USP10: variants seen among roughly 807,000 people sequenced by gnomAD.
The protein encoded by USP10 is ubiquitin carboxyl-terminal hydrolase 10.
In USP10, 22 loss-of-function variants were observed where a neutral mutation model predicts 84.5. The ratio of observed to expected loss-of-function variants is 0.26; its 90% CI spans 0.19 to 0.37. The LOEUF (loss-of-function observed/expected upper bound fraction) is 0.37, where lower values mean the gene tolerates loss of function less well. Among genes scored for constraint, USP10 ranks in the 10% least tolerant of loss-of-function variants. The pLI is 1.00. For missense variants in USP10, 1,019 were observed against 998.9 expected (o/e 1.02, Z -0.27); for synonymous variants, 454 against 387.6 (o/e 1.17, Z -2.01).
chr16:84,749,632 T>G (rs1480941122), intron 4 of USP10, among the ~76,000 whole-genome samples: 1 of 152,206 alleles, frequency 6.6e-6, no homozygotes, highest in African/African-American at 2.4e-5. Flanking sequence ...GTATTTTTTA[T>G]CTCAAGTTTG....
rs750997559 is a variant in USP10, at chr16:84,745,480, C to T, written c.999C>T (p.Thr333=). ...ACGGCACGGGCTCTGCATCAGGCAC[C>T]CTTCCTGTCAGCCAGCCCAAGTCCT... The part of the protein sequence containing the change: ...PADGTGSASG[T]LPVSQPKSWA... Residue 333 remains threonine, a synonymous_variant, in exon 4 of 14, where the codon ACC becomes ACT. Transcript: ENST00000219473. 14 of 1,613,596 alleles carry T rather than the reference C, an allele frequency of 8.7e-6. No individual in the cohort carries two copies. The highest frequency in any genetic ancestry group is 1.2e-5 in the Non-Finnish European group (14 of 1,179,636).
At chr16:84,777,185 G>T (rs1481733177) in intron 13 of USP10, among the ~76,000 whole-genome samples, 1 of 152,172 alleles carries the variant, frequency 6.6e-6, no homozygotes, top group Non-Finnish European at 1.5e-5. Context: ...GCTCCTGTCA[G>T]GGGGGCTTGC....
chr16:84,721,956 A>G (rs148954467), intron 1 of USP10, among the ~76,000 whole-genome samples: 1 of 152,306 alleles, frequency 6.6e-6, no homozygotes, highest in East Asian at 1.9e-4. Flanking sequence ...TGGCCTCCCA[A>G]AGTGCTGGAA....
chr16:84,725,200 C>G (rs561962232), intron 1 of USP10, among the ~76,000 whole-genome samples: 61 of 152,306 alleles, frequency 4.0e-4, no homozygotes, highest in Non-Finnish European at 6.0e-4. Flanking sequence ...TCCCGCTCCC[C>G]CATTCTCCTC....
At position 84,779,802 on chromosome 16, in the gene USP10, GCT is replaced by G. The variant is rs1325625522; in HGVS notation, c.*723_*724del. 1.2e-4 allele frequency: 19 copies of G among 152,594 alleles called. No homozygotes were observed. Among genetic ancestry groups the G allele is most frequent in the African/African-American group, 4.3e-4 (18 of 41,428 alleles). 9.5% of individuals were successfully genotyped at this position (152,594 alleles called of 1,614,324 possible). A position where few individuals can be genotyped will look rare whatever the true frequency, so the allele number is the denominator to read the frequency against. On this transcript the variant is annotated 3_prime_UTR_variant, in exon 14 of 14. Coordinates refer to ENST00000219473, the MANE Select transcript of USP10 (RefSeq NM_005153.3). ...ATAATGAAGATCTCTCCTTCAGTCTGCTCTGTTTAATTCTGCTGTCTGCTCTT... is the reference window on the plus strand; with the variant it reads ...ATAATGAAGATCTCTCCTTCAGTCTGCTGTTTAATTCTGCTGTCTGCTCTT...
intron 8 of USP10, among the ~76,000 whole-genome samples, chr16:84,762,678 G>A (rs1234859017): frequency 6.9e-6 from 1 of 143,918 alleles, no homozygotes; most frequent in Non-Finnish European, 1.5e-5. Flanking sequence ...GTGACGGAAT[G>A]AGACTTTGTC....
chr16:84,744,018 C>G (rs1313934953), intron 3 of USP10, among the ~76,000 whole-genome samples: 1 of 151,946 alleles, frequency 6.6e-6, no homozygotes, highest in African/African-American at 2.4e-5. Flanking sequence ...GAAGAGTGCT[C>G]TGAAGTGCGC....
At chr16:84,771,292 C>T (rs1267992617) in intron 11 of USP10, among the ~76,000 whole-genome samples, 1 of 152,116 alleles carries the variant, frequency 6.6e-6, no homozygotes, top group Non-Finnish European at 1.5e-5. Context: ...TCTAATTGGC[C>T]TGGAATCCCA....
At chr16:84,702,610 A>G (rs978002084) in intron 1 of USP10, among the ~76,000 whole-genome samples, 2 of 152,168 alleles carry the variant, frequency 1.3e-5, no homozygotes, top group East Asian at 1.9e-4. Flanking sequence ...GGGAATAACA[A>G]CTGCAAATTG....
chr16:84,745,481 C>A lies in USP10; in HGVS notation c.1000C>A (p.Leu334Ile), dbSNP rs756610797. Residue 334 changes from leucine to isoleucine, a missense_variant, in exon 4 of 14, where the codon CTT becomes ATT. Leu to Ile is a conservative substitution (Grantham distance 5, BLOSUM62 2). Transcript: ENST00000219473. ...ADGTGSASGT[L>I]PVSQPKSWAS... Reference sequence around the variant, plus strand: ...CGGCACGGGCTCTGCATCAGGCACCCTTCCTGTCAGCCAGCCCAAGTCCTG... The same window carrying A: ...CGGCACGGGCTCTGCATCAGGCACCATTCCTGTCAGCCAGCCCAAGTCCTG... The A allele has an allele frequency of 5.6e-6, 9 of 1,613,464 alleles. No individual in the cohort carries two copies. The highest frequency in any genetic ancestry group is 5.9e-6 in the Non-Finnish European group (7 of 1,179,648).
chr16:84,764,379 T>G, intron 10 of USP10, 116 bp downstream of exon 10: 4 of 1,376,194 alleles, frequency 2.9e-6, no homozygotes, highest in Non-Finnish European at 4.1e-6. Flanking sequence ...GGTTTGCATC[T>G]TGCTCCCCTG....
At chr16:84,767,495 A>T (rs1913989427) in intron 10 of USP10, among the ~76,000 whole-genome samples, 1 of 152,154 alleles carries the variant, frequency 6.6e-6, no homozygotes, top group Non-Finnish European at 1.5e-5. Context: ...TTATAGGAGG[A>T]AAATGCCATT....
intron 1 of USP10, among the ~76,000 whole-genome samples, chr16:84,731,240 G>C (rs1909188058): frequency 6.6e-6 from 1 of 151,274 alleles, no homozygotes; most frequent in South Asian, 2.1e-4. Context: ...CGGCCTCCCA[G>C]AGTGCTGGGA....
chr16:84,737,738 G>C (rs970945128), intron 2 of USP10, among the ~76,000 whole-genome samples: 13 of 152,336 alleles, frequency 8.5e-5, no homozygotes, highest in African/African-American at 3.1e-4. Context: ...GAAGCTGGCA[G>C]TGTCGCCTGG....
chr16:84,764,285 C>G (rs1555547882), intron 10 of USP10, 22 bp downstream of exon 10: 14 of 1,613,790 alleles, frequency 8.7e-6, no homozygotes, highest in Admixed American at 1.7e-5. Flanking sequence ...TCTGGAATAA[C>G]TTAATATTTG....
At chr16:84,704,929 GC>G in intron 1 of USP10, 2 of 1,533,480 alleles carry the variant, frequency 1.3e-6, no homozygotes, top group East Asian at 2.4e-5. Context: ...TCCCTTTTGG[GC>G]TCACATGAGA....
chr16:84,772,300 C>G (rs1914538550), intron 11 of USP10, among the ~76,000 whole-genome samples: 2 of 152,172 alleles, frequency 1.3e-5, no homozygotes, highest in Non-Finnish European at 2.9e-5. Flanking sequence ...ATCCGCCTGT[C>G]TCAGCCTCCC....
At chr16:84,725,336 T>A (rs533401647) in intron 1 of USP10, among the ~76,000 whole-genome samples, 1 of 152,378 alleles carries the variant, frequency 6.6e-6, no homozygotes, top group East Asian at 1.9e-4. Context: ...TATAATGTTT[T>A]CAAAGTCATC....
Position 84,745,161 on chromosome 16 carries a change from C to G in USP10, c.680C>G (p.Pro227Arg), listed in dbSNP as rs1288137108. 1.9e-6 allele frequency: 3 copies of G among 1,613,298 alleles called. No individual in the cohort carries two copies. Among genetic ancestry groups the G allele is most frequent in the Non-Finnish European group, 2.5e-6 (3 of 1,179,674 alleles). Reference protein sequence around the residue: ...DSVSDIVPDSPFPGALGSDTR... With the variant: ...DSVSDIVPDSRFPGALGSDTR... ...GTCAGTGACATTGTGCCTGACAGTC[C>G]TTTCCCCGGAGCACTCGGCAGTGAC... The change falls in exon 4 of 14, where the codon CCT becomes CGT. Residue 227 changes from proline to arginine, a missense_variant. By Grantham distance (103) the Pro-to-Arg change is moderately radical (BLOSUM62 -2). Transcript: ENST00000219473.
Sources: allele counts gnomAD v4.1 joint callset (sites outside exome capture counted in the v4.1 genomes callset), GRCh38; gene constraint gnomAD v4.1.1; transcripts MANE v1.5; gene names NCBI Gene and HGNC (gene_info 2026-07-23, HGNC 2026-07-21).